Variants in AATF observed in about 807,000 individuals in gnomAD.
AATF encodes protein AATF.
AATF carries 48 observed loss-of-function variants against 63.7 expected under a neutral mutation model. The observed-to-expected ratio is 0.75, with a 90% confidence interval of 0.60 to 0.96. AATF has a LOEUF of 0.96. Ranked by LOEUF, AATF falls within the 40% of genes least tolerant of loss-of-function variation. The probability of loss-of-function intolerance (pLI) is 0.00; values close to 1 mark genes in which losing one functional copy is unlikely to be tolerated. For missense variants in AATF, 639 were observed against 685.7 expected (o/e 0.93, Z 0.76); for synonymous variants, 258 against 247.7 (o/e 1.04, Z -0.39).
chr17:37,018,807 G>C (rs2071447236), intron 8 of AATF, 198 bp from the exon 9 acceptor site: 1 of 585,222 alleles, frequency 1.7e-6, no homozygotes, highest in Non-Finnish European at 3.0e-6. Context: ...CTCAGCTACT[G>C]CTATAGCCAC....
chr17:36,989,401 C>T lies in AATF; in HGVS notation c.1304C>T (p.Pro435Leu). Residue 435 changes from proline (P) to leucine (L), a missense_variant, in exon 7 of 12, where the codon CCA (proline) becomes CTA (leucine). By Grantham distance (98) the Pro-to-Leu change is moderately conservative. Transcript: ENST00000619387. ...GCTCAGCCTGTCCCAGAGAGTTTGC[C>T]AGGGGAACCGGTAAGAACTCTGTAA... The part of the protein sequence containing the change: ...PAAQPVPESL[P>L]GEPEILPQAP... The T allele has an allele frequency of 6.2e-7, 1 of 1,611,800 alleles. No homozygotes were observed. Among genetic ancestry groups the T allele is most frequent in the Non-Finnish European group, 8.5e-7 (1 of 1,178,560 alleles).
chr17:37,031,647 G>A lies in AATF; in HGVS notation c.1581G>A (p.Met527Ile). ...TCCTTAGCAAGCTACTGAGTTTCAT[G>A]GCACCTATTGACCATACTACAATGA... ...FHVLSKLLSF[M>I]APIDHTTMND... Residue 527 changes from methionine to isoleucine, a missense_variant, in exon 11 of 12, where the codon ATG (methionine) becomes ATA (isoleucine). Coordinates refer to ENST00000619387, the MANE Select transcript of AATF (RefSeq NM_012138.4). 6.2e-7 allele frequency: 1 copy of A among 1,614,152 alleles called. No homozygotes were observed. The highest frequency in any genetic ancestry group is 8.5e-7 in the Non-Finnish European group (1 of 1,180,008).
intron 4 of AATF, among the ~76,000 whole-genome samples, chr17:36,956,843 G>A (rs1247028208): frequency 6.6e-6 from 1 of 152,110 alleles, no homozygotes; most frequent in Admixed American, 6.5e-5. Flanking sequence ...CAGGTATGGT[G>A]GTACACACTT....
rs1345236742 is a variant in AATF at position 36,988,585 on chromosome 17, T to G, written c.1014T>G (p.Pro338=). The G allele has an allele frequency of 6.2e-7, 1 of 1,614,196 alleles. No homozygotes were observed. The highest frequency in any genetic ancestry group is 8.5e-7 in the Non-Finnish European group (1 of 1,180,030). Residue 338 remains proline (P), a synonymous_variant, in exon 6 of 12, where the codon CCT becomes CCG. Coordinates refer to ENST00000619387, the MANE Select transcript of AATF (RefSeq NM_012138.4). ...EEKKQQRRRV[P]AKRKLEMEDY... Reference sequence around the variant, plus strand: ...AGAAGCAGCAACGAAGAAGGGTCCCTGCAAAGAGGAAGCTGGAGATGGAGG... The same window carrying G: ...AGAAGCAGCAACGAAGAAGGGTCCCGGCAAAGAGGAAGCTGGAGATGGAGG...
intron 8 of AATF, among the ~76,000 whole-genome samples, chr17:36,997,243 A>G (rs1232632910): frequency 6.6e-6 from 1 of 152,160 alleles, no homozygotes; most frequent in Non-Finnish European, 1.5e-5. Flanking sequence ...AAAGTAACAT[A>G]TCGGAAAAAT....
At chr17:37,019,572 A>G (rs948531907) in intron 9 of AATF, among the ~76,000 whole-genome samples, 2 of 152,250 alleles carry the variant, frequency 1.3e-5, no homozygotes, top group Admixed American at 1.3e-4. Flanking sequence ...AATGTAAAGT[A>G]GTGAAGGAAG....
chr17:36,957,341 T>G (rs2070910154), intron 4 of AATF, among the ~76,000 whole-genome samples: 3 of 152,194 alleles, frequency 2.0e-5, no homozygotes, highest in Non-Finnish European at 4.4e-5. Context: ...TGTTAGGTAC[T>G]AATATTATCT....
intron 6 of AATF, 99 bp downstream of exon 6, chr17:36,988,819 T>C: frequency 8.6e-7 from 1 of 1,164,640 alleles, no homozygotes; most frequent in Admixed American, 2.4e-5. Context: ...ATGGATGTTG[T>C]CACGATGTAA....
At chr17:36,989,124 A>G (rs1157875035) in intron 6 of AATF, 123 bp from the exon 7 acceptor site, 1 of 1,158,004 alleles carries the variant, frequency 8.6e-7, no homozygotes, top group Non-Finnish European at 1.2e-6. Context: ...TCCTTTACAG[A>G]AAGTCCCTCC....
intron 4 of AATF, among the ~76,000 whole-genome samples, chr17:36,978,012 T>C (rs2071091728): frequency 6.6e-6 from 1 of 152,210 alleles, no homozygotes. Flanking sequence ...TCTGCAGTTC[T>C]TTTCCCTTCC....
chr17:37,032,975 T>C (rs2071563280), intron 11 of AATF, among the ~76,000 whole-genome samples: 1 of 152,226 alleles, frequency 6.6e-6, no homozygotes, highest in South Asian at 2.1e-4. Context: ...TTTGCCAGTT[T>C]TATCCCTCAA....
chr17:36,979,753 A>G (rs1420115656), intron 4 of AATF, among the ~76,000 whole-genome samples: 2 of 152,174 alleles, frequency 1.3e-5, no homozygotes, highest in Admixed American at 1.3e-4. Context: ...AATTGTACTT[A>G]CTGGTTTATA....
At chr17:36,985,325 G>A (rs1256032060) in intron 4 of AATF, among the ~76,000 whole-genome samples, 6 of 151,960 alleles carry the variant, frequency 3.9e-5, no homozygotes, top group East Asian at 1.9e-4. Flanking sequence ...CTGGAGTGCC[G>A]TGGAGTGATC....
chr17:37,043,656 T>C (rs1201876450), intron 11 of AATF, among the ~76,000 whole-genome samples: 2 of 152,214 alleles, frequency 1.3e-5, no homozygotes, highest in Non-Finnish European at 2.9e-5. Flanking sequence ...ATATTTTAAT[T>C]TCAATTGTAG....
chr17:36,999,555 GT>G (rs1383681106), intron 8 of AATF, among the ~76,000 whole-genome samples: 6 of 152,198 alleles, frequency 3.9e-5, no homozygotes, highest in African/African-American at 1.4e-4. Context: ...TTGGAGCTCT[GT>G]TAGAGGCTGG....
chr17:36,956,531 A>G (rs2142206311), intron 4 of AATF, among the ~76,000 whole-genome samples: 1 of 151,678 alleles, frequency 6.6e-6, no homozygotes, highest in South Asian at 2.1e-4. Context: ...AAATTAGCCA[A>G]GTGTGGTGGC....
intron 11 of AATF, among the ~76,000 whole-genome samples, chr17:37,053,520 CTG>C (rs2071771478): frequency 6.6e-6 from 1 of 151,996 alleles, no homozygotes; most frequent in Non-Finnish European, 1.5e-5. Context: ...GGACAAAACT[CTG>C]TAGGGAAAAG....
intron 11 of AATF, among the ~76,000 whole-genome samples, chr17:37,048,513 G>A (rs2071715910): frequency 6.6e-6 from 1 of 151,792 alleles, no homozygotes. Context: ...TGGGATTACA[G>A]GCACACACCA....
chr17:37,008,053 CTTAT>C (rs2071355624), intron 8 of AATF, among the ~76,000 whole-genome samples: 1 of 152,128 alleles, frequency 6.6e-6, no homozygotes, highest in African/African-American at 2.4e-5. Flanking sequence ...TGTTACACAT[CTTAT>C]TTGTTACCTA....
Sources: gnomAD v4.1 joint callset for allele counts (sites outside exome capture counted in the v4.1 genomes callset) on GRCh38, gnomAD v4.1.1 for gene constraint, MANE v1.5 for transcripts, NCBI Gene and HGNC (gene_info 2026-07-23, HGNC 2026-07-21) for gene names.